The following RYR2 variants were observed in gnomAD, a reference collection of about 807,000 sequenced individuals.
RYR2 encodes the protein ryanodine receptor 2, also known as cardiac muscle ryanodine receptor-calcium release channel.
A neutral mutation model predicts 601.1 loss-of-function variants in RYR2; 227 were observed. The observed-to-expected ratio is 0.38, with a 90% CI of 0.34 to 0.42. RYR2 has a LOEUF of 0.42. Among genes scored for constraint, RYR2 ranks in the 10% least tolerant of loss-of-function variants. The pLI is 1.00. For synonymous variants in RYR2, 2,223 were observed against 2,175.1 expected (o/e 1.02, Z -0.61); for missense variants, 4,646 against 6,156.5 (o/e 0.75, Z 8.21).
chr1:237,694,894 G>A (rs1215530748), intron 63 of RYR2, among the ~76,000 whole-genome samples: 1 of 152,054 alleles, frequency 6.6e-6, no homozygotes, highest in African/African-American at 2.4e-5. Flanking sequence ...TGTAAGTTCT[G>A]GCACAGTGGT....
intron 17 of RYR2, among the ~76,000 whole-genome samples, chr1:237,483,038 T>G (rs1662289603): frequency 6.6e-6 from 1 of 152,228 alleles, no homozygotes; most frequent in Non-Finnish European, 1.5e-5. Context: ...CTTGTTTCTC[T>G]GTGCCTCGCT....
intron 1 of RYR2, among the ~76,000 whole-genome samples, chr1:237,094,773 G>A (rs1027857567): frequency 2.0e-5 from 3 of 151,918 alleles, no homozygotes; most frequent in Non-Finnish European, 4.4e-5. Context: ...TTGTATTTTC[G>A]GTAGAGACGG....
At chr1:237,067,926 C>A (rs1409988926) in intron 1 of RYR2, among the ~76,000 whole-genome samples, 4 of 152,040 alleles carry the variant, frequency 2.6e-5, no homozygotes, top group Non-Finnish European at 4.4e-5. Context: ...GGTAGTGAAC[C>A]TCCATTGCAT....
chr1:237,611,385 C>T (rs1677850630), intron 36 of RYR2, among the ~76,000 whole-genome samples: 1 of 152,054 alleles, frequency 6.6e-6, no homozygotes, highest in Non-Finnish European at 1.5e-5. Flanking sequence ...TTCCTATGTT[C>T]AACCCTTCAT....
intron 1 of RYR2, among the ~76,000 whole-genome samples, chr1:237,176,090 C>T (rs887234058): frequency 2.6e-5 from 4 of 151,524 alleles, no homozygotes; most frequent in Admixed American, 2.0e-4. Flanking sequence ...TAGCCAGGCA[C>T]GGTGGTGTGT....
chr1:237,594,120 G>A (rs927075564), intron 33 of RYR2, among the ~76,000 whole-genome samples: 3 of 152,188 alleles, frequency 2.0e-5, no homozygotes, highest in African/African-American at 7.2e-5. Flanking sequence ...GACTCGCTGT[G>A]TGGCTTTGGG....
chr1:237,322,164 T>G (rs939598722), intron 2 of RYR2, among the ~76,000 whole-genome samples: 4 of 152,226 alleles, frequency 2.6e-5, no homozygotes, highest in African/African-American at 9.6e-5. Context: ...CCAGCTCATT[T>G]TCAGAGAATG....
intron 1 of RYR2, among the ~76,000 whole-genome samples, chr1:237,243,583 T>C (rs1338829894): frequency 6.6e-6 from 1 of 152,122 alleles, no homozygotes; most frequent in Non-Finnish European, 1.5e-5. Flanking sequence ...TCTTGGGTTT[T>C]TATGGAAGCT....
chr1:237,556,681 G>A lies in RYR2; in HGVS notation c.3214+5990G>A, dbSNP rs148927261. ...GTTCTGGGAATTCAAAGATGAATAA[G>A]AGTTTTTGTCTTATGTAGCTCTCAG... On this transcript the variant is annotated intron_variant, in intron 27 of 104. Transcript: ENST00000366574. Among the ~76,000 whole-genome samples, 549 of 151,874 alleles carry A rather than the reference G, an allele frequency of 3.6e-3. 3 individuals carry two copies. The highest frequency in any genetic ancestry group is 0.012 in the African/African-American group (513 of 41,384).
chr1:237,423,287 C>G, intron 12 of RYR2, 39 bp downstream of exon 12: 1 of 1,591,064 alleles, frequency 6.3e-7, no homozygotes, highest in African/African-American at 1.4e-5. Flanking sequence ...ATAAATGTTA[C>G]CCGGTCATAT....
rs1685057084 is a variant in RYR2 at position 237,232,073 on chromosome 1, TAA to T, written c.49-38421_49-38420del. 2.0e-5 allele frequency among the ~76,000 whole-genome samples: 3 copies of T among 152,354 alleles called. No homozygotes were observed. In the South Asian group the frequency reaches 6.2e-4, roughly 32 times the overall value. On this transcript the variant is annotated intron_variant, in intron 1 of 104. Coordinates refer to ENST00000366574, the MANE Select transcript of RYR2 (RefSeq NM_001035.3). ...AAATGTGAACAGAGGAGTGATACTG[TAA>T]AATACATACTTGGTGTTCAATCTCT...
At chr1:237,422,981 G>T (rs1309509845) in intron 11 of RYR2, 111 bp from the exon 12 acceptor site, 2 of 1,250,120 alleles carry the variant, frequency 1.6e-6, no homozygotes, top group Non-Finnish European at 2.2e-6. Context: ...TAAGTTTTTT[G>T]AGAACATTAA....
intron 84 of RYR2, among the ~76,000 whole-genome samples, chr1:237,766,714 A>G (rs1425029224): frequency 6.6e-6 from 1 of 152,218 alleles, no homozygotes; most frequent in Non-Finnish European, 1.5e-5. Flanking sequence ...ACAAGATGCA[A>G]TCACATTTGA....
At chr1:237,482,487 T>TA (rs11397216) in intron 17 of RYR2, among the ~76,000 whole-genome samples, 56,310 of 151,930 alleles carry the variant, frequency 0.37, 14,570 homozygotes, top group African/African-American at 0.75. Context: ...TTATTTCACT[T>TA]ACATACTCAT....
At chr1:237,341,767 T>C (rs971079091) in intron 3 of RYR2, 2 of 443,976 alleles carry the variant, frequency 4.5e-6, no homozygotes, top group Non-Finnish European at 4.5e-6. Flanking sequence ...GAACATATGA[T>C]AGAGCTTTTT....
At chr1:237,403,974 C>T (rs867282443) in intron 10 of RYR2, among the ~76,000 whole-genome samples, 2 of 152,180 alleles carry the variant, frequency 1.3e-5, no homozygotes, top group Non-Finnish European at 2.9e-5. Flanking sequence ...CCATAGAGAA[C>T]AGGCTGTGGT....
intron 29 of RYR2, among the ~76,000 whole-genome samples, chr1:237,574,749 A>G (rs1673055138): frequency 6.6e-6 from 1 of 152,098 alleles, no homozygotes; most frequent in Non-Finnish European, 1.5e-5. Flanking sequence ...AAAACCGAGA[A>G]ATCTCAGTTC....
chr1:237,395,615 C>G (rs926068876), intron 10 of RYR2, among the ~76,000 whole-genome samples: 3 of 141,858 alleles, frequency 2.1e-5, no homozygotes, highest in African/African-American at 7.9e-5. Context: ...GGCGCGATCT[C>G]TGCTCACTGC....
chr1:237,437,351 C>T (rs760032649), intron 12 of RYR2, among the ~76,000 whole-genome samples: 5 of 152,070 alleles, frequency 3.3e-5, no homozygotes, highest in Non-Finnish European at 7.4e-5. Context: ...CGCGCCCAGC[C>T]ACATCTGGGT....
Sources: allele counts gnomAD v4.1 joint callset (sites outside exome capture counted in the v4.1 genomes callset), GRCh38; gene constraint gnomAD v4.1.1; transcripts MANE v1.5; gene names NCBI Gene and HGNC (gene_info 2026-07-23, HGNC 2026-07-21).